XAB2: variants seen among roughly 807,000 people sequenced by gnomAD.
XAB2 encodes XPA binding protein 2, also known as pre-mRNA-splicing factor SYF1.
In XAB2, 57 loss-of-function variants were observed where a neutral mutation model predicts 113.4. The observed-to-expected ratio is 0.50, with a 90% CI of 0.41 to 0.63. XAB2 has a LOEUF of 0.63. XAB2 is among the 20% of genes least tolerant of loss of function. The probability of loss-of-function intolerance (pLI) is 0.00; values close to 1 mark genes in which losing one functional copy is unlikely to be tolerated. For missense variants in XAB2, 1,037 were observed against 1,233.3 expected (o/e 0.84, Z 2.38); for synonymous variants, 497 against 498.8 (o/e 1.00, Z 0.05).
Position 7,621,272 on chromosome 19 carries a change from A to C in XAB2, c.1643T>G (p.Phe548Cys). The C allele has an allele frequency of 6.2e-7, 1 of 1,612,998 alleles. No homozygotes were observed. The highest frequency in any genetic ancestry group is 8.5e-7 in the Non-Finnish European group (1 of 1,179,966). The change falls in exon 13 of 19, where the codon TTC becomes TGC. Residue 548 changes from phenylalanine to cysteine, a missense_variant. By Grantham distance (205) the Phe-to-Cys change is radical (BLOSUM62 -2). Transcript: ENST00000358368. ...FKAYERGISL[F>C]KWPNVSDIWS... is the part of the protein sequence containing the mutation. The stretch of plus-strand genomic sequence containing the variant: ...GATGTCGGACACGTTGGGCCACTTG[A>C]ACAGCGAGATGCCGCGCTCGTACGC...
At position 7,621,282 on chromosome 19, in the gene XAB2, T is replaced by C. The variant is rs1211352398; in HGVS notation, c.1633A>G (p.Ile545Val). Residue 545 changes from isoleucine (I) to valine (V), a missense_variant, in exon 13 of 19, where the codon ATC becomes GTC. Physicochemically the swap from Ile to Val is conservative, Grantham distance 29. Coordinates refer to ENST00000358368, the MANE Select transcript of XAB2 (RefSeq NM_020196.3). Reference sequence around the variant, plus strand: ...ACGTTGGGCCACTTGAACAGCGAGATGCCGCGCTCGTACGCCTGTTACCAG... The same window carrying C: ...ACGTTGGGCCACTTGAACAGCGAGACGCCGCGCTCGTACGCCTGTTACCAG... ...EESFKAYERG[I>V]SLFKWPNVSD... is the part of the protein sequence containing the mutation. 1.9e-6 allele frequency: 3 copies of C among 1,612,816 alleles called. No homozygotes were observed. The highest frequency in any genetic ancestry group is 2.7e-5 in the African/African-American group (2 of 74,916).
At position 7,624,166 on chromosome 19, in the gene XAB2, T is replaced by G; in HGVS notation, c.967+135A>C. On this transcript the variant is annotated intron_variant, in intron 7 of 18. Coordinates refer to ENST00000358368, the MANE Select transcript of XAB2 (RefSeq NM_020196.3). The surrounding 1 kb of genome is among the most constrained non-coding windows in gnomAD (Gnocchi z 4.2). The stretch of plus-strand genomic sequence containing the variant: ...GCTCCTTCAAGACCCCCACACCCCC[T>G]GCATCCACTCAGCCTCCTTCCCTGC... 7.2e-7 allele frequency: 1 copy of G among 1,388,244 alleles called. No homozygotes were observed. The highest frequency in any genetic ancestry group is 9.8e-7 in the Non-Finnish European group (1 of 1,019,416). 86.0% of individuals were successfully genotyped at this position (1,388,244 alleles called of 1,614,324 possible). A position where few individuals can be genotyped will look rare whatever the true frequency, so the allele number is the denominator to read the frequency against.
At chr19:7,626,751 T>G (rs947916124) in intron 4 of XAB2, among the ~76,000 whole-genome samples, 1 of 150,186 alleles carries the variant, frequency 6.7e-6, no homozygotes, top group Non-Finnish European at 1.5e-5. Flanking sequence ...TTGACTATAG[T>G]GTCCAGCCTG....
In XAB2 at chr19:7,624,504, C is replaced by T. The variant is rs180784255; in HGVS notation, c.823-59G>A. On this transcript the variant is annotated intron_variant, in intron 6 of 18. Coordinates refer to ENST00000358368, the MANE Select transcript of XAB2 (RefSeq NM_020196.3). The surrounding 1 kb of genome is among the most constrained non-coding windows in gnomAD (Gnocchi z 4.2). ...AAGTGGCGCAGGGGACAGGCAGCAG[C>T]ACTCTTAGCACCAGCCTCAATGTGG... The T allele has an allele frequency of 4.7e-5, 76 of 1,608,328 alleles. No individual in the cohort carries two copies. The Admixed American group carries it at 1.3e-3, about 27-fold the overall frequency.
At position 7,624,292 on chromosome 19, in the gene XAB2, G is replaced by A. The variant is rs770568747; in HGVS notation, c.967+9C>T. 96 of 1,612,592 alleles carry A rather than the reference G, an allele frequency of 6.0e-5. No individual in the cohort carries two copies. Among genetic ancestry groups the A allele is most frequent in the Non-Finnish European group, 8.0e-5 (94 of 1,180,000 alleles). On this transcript the variant is annotated intron_variant, in intron 7 of 18. Coordinates refer to ENST00000358368, the MANE Select transcript of XAB2 (RefSeq NM_020196.3). This position sits in a 1 kb window ranked among gnomAD's most constrained non-coding sequence, Gnocchi z 4.2. ...CTCTCCCCACCAGCCGGGGCCCCCAGAGGCTCACCCTCCTCCTCGCGCCCC... is the reference window on the plus strand; with the variant it reads ...CTCTCCCCACCAGCCGGGGCCCCCAAAGGCTCACCCTCCTCCTCGCGCCCC...
chr19:7,622,481 C>A, intron 11 of XAB2, 37 bp from the exon 12 acceptor site: 1 of 1,613,926 alleles, frequency 6.2e-7, no homozygotes, highest in Non-Finnish European at 8.5e-7. Context: ...GGAGCTGGTT[C>A]TGGAGCTGAG....
Position 7,621,218 on chromosome 19 carries a change from G to A in XAB2, c.1697C>T (p.Ala566Val), listed in dbSNP as rs145004107. 9 of 1,613,074 alleles carry A rather than the reference G, an allele frequency of 5.6e-6. No individual in the cohort carries two copies. Among genetic ancestry groups the A allele is most frequent in the African/African-American group, 1.3e-5 (1 of 74,904 alleles). ...IWSTYLTKFI[A>V]RYGGRKLERA... ...CTCCAGCTTGCGGCCCCCATAGCGG[G>A]CAATGAATTTGGTCAGGTAGGTGCT... Residue 566 changes from alanine to valine, a missense_variant, in exon 13 of 19, where the codon GCC becomes GTC. Physicochemically the swap from Ala to Val is moderately conservative, Grantham distance 64 (BLOSUM62 0). Coordinates refer to ENST00000358368, the MANE Select transcript of XAB2 (RefSeq NM_020196.3).
Position 7,625,782 on chromosome 19 carries a change from A to C in XAB2, c.822+98T>G. The C allele has an allele frequency of 6.8e-7, 1 of 1,471,160 alleles. No individual in the cohort carries two copies. The highest frequency in any genetic ancestry group is 1.4e-5 in the South Asian group (1 of 72,706). 91.1% of individuals were successfully genotyped at this position (1,471,160 alleles called of 1,614,324 possible). A position where few individuals can be genotyped will look rare whatever the true frequency, so the allele number is the denominator to read the frequency against. ...GTGTGAGCCACCACACCCAGCCATAAATGGCATGTTTTCTGCCTGTGCATG... is the reference window on the plus strand; with the variant it reads ...GTGTGAGCCACCACACCCAGCCATACATGGCATGTTTTCTGCCTGTGCATG... On this transcript the variant is annotated intron_variant, in intron 6 of 18. Transcript: ENST00000358368. The surrounding 1 kb of genome is among the most constrained non-coding windows in gnomAD (Gnocchi z 5.2).
In XAB2 at chr19:7,628,384, A is replaced by G; in HGVS notation, c.52-86T>C. ...ATCCCACTGCTGGGGCTCAGGTCCA[A>G]ACTCCGGACTTTTACCTAGATCCCA... On this transcript the variant is annotated intron_variant, in intron 1 of 18. Transcript: ENST00000358368. The surrounding 1 kb of genome is among the most constrained non-coding windows in gnomAD (Gnocchi z 4.6). 3.2e-6 allele frequency: 5 copies of G among 1,559,122 alleles called. No homozygotes were observed. Among genetic ancestry groups the G allele is most frequent in the Non-Finnish European group, 4.4e-6 (5 of 1,144,748 alleles).
intron 4 of XAB2, 78 bp from the exon 5 acceptor site, chr19:7,626,348 C>A: frequency 6.4e-7 from 1 of 1,551,356 alleles, no homozygotes; most frequent in Non-Finnish European, 8.7e-7. Context: ...GGCTTCGGGG[C>A]GTCCCCCCCC....
In XAB2 at chr19:7,623,043, C is replaced by A; in HGVS notation, c.1239+127G>T. 6.5e-7 allele frequency: 1 copy of A among 1,539,756 alleles called. No homozygotes were observed. The highest frequency in any genetic ancestry group is 2.3e-5 in the East Asian group (1 of 42,898). ...ACACACATGCGTGCACATATGCATGCACCCAAATGCACATGCACACACACG... is the reference window on the plus strand; with the variant it reads ...ACACACATGCGTGCACATATGCATGAACCCAAATGCACATGCACACACACG... On this transcript the variant is annotated intron_variant, in intron 9 of 18. Transcript: ENST00000358368. The surrounding 1 kb of genome is among the most constrained non-coding windows in gnomAD (Gnocchi z 4.6).
Position 7,620,085 on chromosome 19 carries a change from G to A in XAB2, c.2267-10C>T, listed in dbSNP as rs2030996421. 1 of 1,610,026 alleles carries A rather than the reference G, an allele frequency of 6.2e-7. No individual in the cohort carries two copies. Among genetic ancestry groups the A allele is most frequent in the Non-Finnish European group, 8.5e-7 (1 of 1,179,816 alleles). On this transcript the variant is annotated splice_polypyrimidine_tract_variant and intron_variant, in intron 16 of 18. Coordinates refer to ENST00000358368, the MANE Select transcript of XAB2 (RefSeq NM_020196.3). ...GGGGCCAGGTCAGACACTAGGGGGT[G>A]GGAGCAGGGGGTCAGCGCCACGGGG...
At chr19:7,621,574 G>A (rs2146184144) in intron 12 of XAB2, 2 of 469,866 alleles carry the variant, frequency 4.3e-6, no homozygotes, top group South Asian at 6.9e-5. Context: ...TGGCTCCCCA[G>A]CTCCGCTGAC....
Position 7,623,965 on chromosome 19 carries a change from A to G in XAB2, c.968-83T>C, listed in dbSNP as rs1013874289. ...GCCACCGCCTCCACTCCCCACCCTC[A>G]CTCCGCTCCAGCCCCCAGCCAAGTG... is the stretch of plus-strand genomic sequence containing the variant. On this transcript the variant is annotated intron_variant, in intron 7 of 18. Coordinates refer to ENST00000358368, the MANE Select transcript of XAB2 (RefSeq NM_020196.3). The surrounding 1 kb of genome is among the most constrained non-coding windows in gnomAD (Gnocchi z 4.6). 2.1e-6 allele frequency: 3 copies of G among 1,438,076 alleles called. No homozygotes were observed. The highest frequency in any genetic ancestry group is 1.4e-5 in the African/African-American group (1 of 70,078). 89.1% of individuals were successfully genotyped at this position (1,438,076 alleles called of 1,614,324 possible).
chr19:7,621,102 C>CCCCCCCCCCCCCCCCCCCCA, intron 13 of XAB2, 33 bp downstream of exon 13: 1 of 1,510,588 alleles, frequency 6.6e-7, no homozygotes, highest in Non-Finnish European at 8.9e-7. Context: ...CCAGCCCGCC[C>CCCCCCCCCCCCCCCCCCCCA]GCCACCCCCC....
intron 16 of XAB2, 31 bp from the exon 17 acceptor site, chr19:7,620,106 C>G (rs372963419): frequency 6.2e-7 from 1 of 1,605,524 alleles, no homozygotes; most frequent in Admixed American, 1.7e-5. Flanking sequence ...GTCAGCGCCA[C>G]GGGGGCCCCT....
Position 7,628,172 on chromosome 19 carries a change from C to T in XAB2, c.178G>A (p.Ala60Thr). ...KPRLNQLYER[A>T]LKLLPCSYKL... ...CACCTGCAGGGCAGCAGCTTGAGTG[C>T]CCGCTCGTATAGCTGATTGAGCCTG... Residue 60 changes from alanine (A) to threonine (T), a missense_variant, in exon 2 of 19, where the codon GCA becomes ACA. Coordinates refer to ENST00000358368, the MANE Select transcript of XAB2 (RefSeq NM_020196.3). The surrounding 1 kb of genome is among the most constrained non-coding windows in gnomAD (Gnocchi z 4.6). 11 of 1,613,596 alleles carry T rather than the reference C, an allele frequency of 6.8e-6. No individual in the cohort carries two copies. The highest frequency in any genetic ancestry group is 9.3e-6 in the Non-Finnish European group (11 of 1,179,806).
Position 7,622,680 on chromosome 19 carries a change from G to A in XAB2, c.1372-19C>T. On this transcript the variant is annotated intron_variant, in intron 10 of 18. Coordinates refer to ENST00000358368, the MANE Select transcript of XAB2 (RefSeq NM_020196.3). ...TGGCCTTCTGCAGGGGCAGACAGTG[G>A]CCGGGGAGGCGCTCAGGGGCTGTCC... 1 of 1,611,956 alleles carries A rather than the reference G, an allele frequency of 6.2e-7. No homozygotes were observed. Among genetic ancestry groups the A allele is most frequent in the Non-Finnish European group, 8.5e-7 (1 of 1,179,824 alleles).
intron 4 of XAB2, 109 bp from the exon 5 acceptor site, chr19:7,626,379 G>C: frequency 4.0e-6 from 6 of 1,486,764 alleles, no homozygotes; most frequent in Non-Finnish European, 5.5e-6. Flanking sequence ...GAGTGTCTTG[G>C]GCAAAAGCAA....
Sources: gnomAD v4.1 joint callset for allele counts (sites outside exome capture counted in the v4.1 genomes callset) on GRCh38, gnomAD v4.1.1 for gene constraint, Gnocchi (gnomAD v3.1) non-coding constraint, MANE v1.5 for transcripts, NCBI Gene and HGNC (gene_info 2026-07-23, HGNC 2026-07-21) for gene names.